TRIM71: variants seen among roughly 807,000 people sequenced by gnomAD.
TRIM71 encodes E3 ubiquitin-protein ligase TRIM71.
Under a neutral mutation model 61.2 loss-of-function variants are expected in TRIM71, and 9 were observed. The observed-to-expected ratio is 0.15, with a 90% CI of 0.09 to 0.26. The LOEUF is 0.26. Among genes scored for constraint, TRIM71 ranks in the 10% least tolerant of loss-of-function variants. The pLI is 1.00. For synonymous variants in TRIM71, 645 were observed against 553.2 expected (o/e 1.17, Z -2.33); for missense variants, 998 against 1,238.7 (o/e 0.81, Z 2.92).
chr3:32,895,293 A>G lies in TRIM71; in HGVS notation c.*3482A>G, dbSNP rs928130609. 13 of 152,214 alleles carry G rather than the reference A, an allele frequency of 8.5e-5. No individual in the cohort carries two copies. Among genetic ancestry groups the G allele is most frequent in the Admixed American group, 3.9e-4 (6 of 15,278 alleles). The allele number at this position is 152,214 out of a possible 1,614,324, so 9.4% of individuals were successfully genotyped here. On this transcript the variant is annotated 3_prime_UTR_variant, in exon 4 of 4. Coordinates refer to ENST00000383763, the MANE Select transcript of TRIM71 (RefSeq NM_001039111.3). ...AGTCTAACTTATTTGGGAAACACAT[A>G]ACAAAGGGTACCATAAACCGAATCC...
intron 2 of TRIM71, among the ~76,000 whole-genome samples, chr3:32,875,880 C>T (rs1349796061): frequency 2.0e-5 from 3 of 152,152 alleles, no homozygotes; most frequent in Admixed American, 6.5e-5. Flanking sequence ...GATCATGCCT[C>T]TTAACAGAAG....
At chr3:32,835,068 A>G (rs1441775314) in intron 1 of TRIM71, among the ~76,000 whole-genome samples, 3 of 152,230 alleles carry the variant, frequency 2.0e-5, no homozygotes, top group Non-Finnish European at 4.4e-5. Flanking sequence ...AAAACATCAA[A>G]TGGAATAAAA....
At chr3:32,883,962 AGCATTCCAG>A (rs1348845916) in intron 2 of TRIM71, among the ~76,000 whole-genome samples, 2 of 152,184 alleles carry the variant, frequency 1.3e-5, no homozygotes, top group Non-Finnish European at 2.9e-5. Flanking sequence ...TTTAGGGTGA[AGCATTCCAG>A]GCTGTGGATA....
At chr3:32,852,814 T>C (rs1696554047) in intron 1 of TRIM71, among the ~76,000 whole-genome samples, 1 of 150,580 alleles carries the variant, frequency 6.6e-6, no homozygotes. Context: ...TAAGCAATAA[T>C]GAAACATGTA....
At chr3:32,834,021 T>C (rs1314975806) in intron 1 of TRIM71, among the ~76,000 whole-genome samples, 1 of 152,202 alleles carries the variant, frequency 6.6e-6, no homozygotes, top group African/African-American at 2.4e-5. Flanking sequence ...GAAAATTCGT[T>C]TTTCCAATTT....
chr3:32,890,795 C>T lies in TRIM71; in HGVS notation c.1591C>T (p.Pro531Ser). The stretch of plus-strand genomic sequence containing the variant: ...CCTGATGTCGGCTGTGGTCCTGGGC[C>T]CTGATGGCAACCTGTTTGGTGCAGA... ...GDLMSAVVLG[P>S]DGNLFGAEVS... Residue 531 changes from proline to serine, a missense_variant, in exon 4 of 4, where the codon CCT (proline) becomes TCT (serine). Pro to Ser is a moderately conservative substitution (Grantham distance 74, BLOSUM62 -1). Coordinates refer to ENST00000383763, the MANE Select transcript of TRIM71 (RefSeq NM_001039111.3). This position sits in a 1 kb window ranked among gnomAD's most constrained non-coding sequence, Gnocchi z 6.2. The T allele has an allele frequency of 6.2e-7, 1 of 1,614,166 alleles. No individual in the cohort carries two copies. The highest frequency in any genetic ancestry group is 8.5e-7 in the Non-Finnish European group (1 of 1,180,030).
intron 1 of TRIM71, among the ~76,000 whole-genome samples, chr3:32,824,089 A>T (rs1696173075): frequency 1.3e-5 from 2 of 152,134 alleles, no homozygotes; most frequent in Non-Finnish European, 2.9e-5. Flanking sequence ...GAAAAAAAAA[A>T]GTGTTTGAAG....
chr3:32,890,220 A>C lies in TRIM71; in HGVS notation c.1156-140A>C. The C allele has an allele frequency of 2.5e-6, 3 of 1,212,646 alleles. No homozygotes were observed. Among genetic ancestry groups the C allele is most frequent in the Non-Finnish European group, 3.4e-6 (3 of 873,718 alleles). The allele number at this position is 1,212,646 out of a possible 1,614,324, so 75.1% of individuals were successfully genotyped here. Reference sequence around the variant, plus strand: ...CATTTTGATTTTGCTGCTTTTGAAGAAAGACAGATGTCTTTTGTAGACCAT... The same window carrying C: ...CATTTTGATTTTGCTGCTTTTGAAGCAAGACAGATGTCTTTTGTAGACCAT... On this transcript the variant is annotated intron_variant, in intron 3 of 3. Coordinates refer to ENST00000383763, the MANE Select transcript of TRIM71 (RefSeq NM_001039111.3). The surrounding 1 kb of genome is among the most constrained non-coding windows in gnomAD (Gnocchi z 6.2).
In TRIM71 at chr3:32,867,893, G is replaced by GGT. The variant is rs1214210631; in HGVS notation, c.853-5916_853-5915dup. ...GCAGAAAGGGGATTGTGGGCCTCAG[G>GGT]GTGTGTGTGTTAATTGCTTGTGTGT... On this transcript the variant is annotated intron_variant, in intron 1 of 3. Coordinates refer to ENST00000383763, the MANE Select transcript of TRIM71 (RefSeq NM_001039111.3). 4.7e-4 allele frequency among the ~76,000 whole-genome samples: 71 copies of GGT among 151,956 alleles called. 2 individuals are homozygous for GGT. The highest frequency in any genetic ancestry group is 1.6e-3 in the African/African-American group (66 of 41,410).
intron 1 of TRIM71, among the ~76,000 whole-genome samples, chr3:32,844,550 C>A (rs556081415): frequency 6.6e-6 from 1 of 152,264 alleles, no homozygotes; most frequent in South Asian, 2.1e-4. Context: ...GCACTCTCCA[C>A]CATGCCTAGC....
In TRIM71 at chr3:32,833,184, T is replaced by TAAAAAAAAAAAA. The variant is rs1182178339; in HGVS notation, c.852+14269_852+14280dup. Among the ~76,000 whole-genome samples, 402 of 54,390 alleles carry TAAAAAAAAAAAA rather than the reference T, an allele frequency of 7.4e-3. 16 individuals carry two copies. The highest frequency in any genetic ancestry group is 0.013 in the East Asian group (15 of 1,158). The allele number at this position is 54,390 out of a possible 152,430, so 35.7% of individuals were successfully genotyped here. On this transcript the variant is annotated intron_variant, in intron 1 of 3. Coordinates refer to ENST00000383763, the MANE Select transcript of TRIM71 (RefSeq NM_001039111.3). ...GGTGACAAGAATGAAACTCTGTCTT[T>TAAAAAAAAAAAA]AAAAAAAAAAAAAAAAAAAAAAAAA...
At chr3:32,833,725 T>G (rs1246674390) in intron 1 of TRIM71, among the ~76,000 whole-genome samples, 7 of 151,552 alleles carry the variant, frequency 4.6e-5, no homozygotes, top group African/African-American at 1.5e-4. Flanking sequence ...ACCTGACTTT[T>G]TTGTTTGAGA....
At chr3:32,882,759 C>T (rs920619619) in intron 2 of TRIM71, among the ~76,000 whole-genome samples, 1 of 152,130 alleles carries the variant, frequency 6.6e-6, no homozygotes, top group Non-Finnish European at 1.5e-5. Context: ...CCAGGCTGAT[C>T]TCAAACTCGT....
At chr3:32,824,477 A>G (rs1034789503) in intron 1 of TRIM71, among the ~76,000 whole-genome samples, 2 of 150,374 alleles carry the variant, frequency 1.3e-5, no homozygotes, top group African/African-American at 4.9e-5. Context: ...GATTACAGGC[A>G]AGAGCCACCG....
At chr3:32,841,044 A>G (rs1413681203) in intron 1 of TRIM71, among the ~76,000 whole-genome samples, 1 of 151,064 alleles carries the variant, frequency 6.6e-6, no homozygotes, top group Non-Finnish European at 1.5e-5. Context: ...CAGGAGATCG[A>G]GACCATCCTG....
chr3:32,873,056 TCTCTCTTCCTCCCTCC>T (rs1317615394), intron 1 of TRIM71, among the ~76,000 whole-genome samples: 4 of 116,272 alleles, frequency 3.4e-5, no homozygotes, highest in African/African-American at 1.3e-4. Context: ...CCAGCCCTTC[TCTCTCTTCCTCCCTCC>T]CTCCCTCCCT....
At chr3:32,864,705 G>A (rs117217424) in intron 1 of TRIM71, among the ~76,000 whole-genome samples, 2 of 152,356 alleles carry the variant, frequency 1.3e-5, no homozygotes, top group East Asian at 3.9e-4. Context: ...CAGGTCCGGT[G>A]TAGAGTGGAT....
At position 32,867,717 on chromosome 3, in the gene TRIM71, AT is replaced by A. The variant is rs140359364; in HGVS notation, c.853-6094del. Among the ~76,000 whole-genome samples the A allele has an allele frequency of 0.015, 2,244 of 152,296 alleles. 130 individuals carry two copies. The East Asian group carries it at 0.2, about 14-fold the overall frequency. ...TTAACATGCATTGCCTCACATACTT[AT>A]TTTTTTGTGGTGAGAACACATAAAA... On this transcript the variant is annotated intron_variant, in intron 1 of 3. Coordinates refer to ENST00000383763, the MANE Select transcript of TRIM71 (RefSeq NM_001039111.3).
chr3:32,865,253 C>T (rs994701820), intron 1 of TRIM71, among the ~76,000 whole-genome samples: 3 of 152,060 alleles, frequency 2.0e-5, no homozygotes, highest in Non-Finnish European at 2.9e-5. Context: ...CACTTGAACT[C>T]GGGGGTTGGA....
Sources: gnomAD v4.1 joint callset for allele counts (sites outside exome capture counted in the v4.1 genomes callset) on GRCh38, gnomAD v4.1.1 for gene constraint, Gnocchi (gnomAD v3.1) non-coding constraint, MANE v1.5 for transcripts, NCBI Gene and HGNC (gene_info 2026-07-23, HGNC 2026-07-21) for gene names.